The following ADGRG2 variants were observed in gnomAD, a reference collection of about 807,000 sequenced individuals.
ADGRG2 encodes the protein adhesion G protein-coupled receptor G2.
A neutral mutation model predicts 74.1 loss-of-function variants in ADGRG2; 26 were observed. The observed-to-expected ratio is 0.35, with a 90% CI of 0.26 to 0.49. The LOEUF is 0.49. Among genes scored for constraint, ADGRG2 ranks in the 20% least tolerant of loss-of-function variants. ADGRG2 has a pLI of 0.99. For synonymous variants in ADGRG2, 296 were observed against 295.2 expected, an observed-to-expected ratio of 1.00 and a Z score of -0.03; for missense variants, 619 against 763.1, an observed-to-expected ratio of 0.81 and a Z score of 2.22.
In ADGRG2 at chrX:19,003,271, C is replaced by T. The variant is rs757289003; in HGVS notation, c.1962-157G>A. ...CCTCTGCCTCCTGGGCTCAAGCGAT[C>T]TTCCCACCTCAGTCTCCTGAGTGGC... On this transcript the variant is annotated intron_variant, in intron 23 of 28. Transcript: ENST00000379869. Among the ~76,000 whole-genome samples the T allele has an allele frequency of 2.7e-5, 3 of 111,574 alleles. No homozygotes were observed. The South Asian group carries it at 1.1e-3, about 42-fold the overall frequency.
chrX:19,041,017 CAT>C (rs1026249745), intron 3 of ADGRG2, among the ~76,000 whole-genome samples: 7 of 110,186 alleles, frequency 6.4e-5, no homozygotes, highest in Non-Finnish European at 1.1e-4. Flanking sequence ...CAGATACATG[CAT>C]ATATGTTTAT....
At chrX:19,015,056 T>C (rs1451971574) in intron 15 of ADGRG2, among the ~76,000 whole-genome samples, 2 of 111,769 alleles carry the variant, frequency 1.8e-5, no homozygotes, top group Non-Finnish European at 3.8e-5. Flanking sequence ...TTCATGGGCA[T>C]CAAAGGTGGA....
At chrX:19,014,169 T>A in intron 15 of ADGRG2, 95 bp from the exon 16 acceptor site, 1 of 677,837 alleles carries the variant, frequency 1.5e-6, no homozygotes, top group African/African-American at 2.2e-5. Context: ...CACCGTCAAG[T>A]TGACGTAGTT....
chrX:19,085,946 A>G (rs1408177750), intron 1 of ADGRG2, among the ~76,000 whole-genome samples: 1 of 111,389 alleles, frequency 9.0e-6, no homozygotes, highest in Non-Finnish European at 1.9e-5. Context: ...TGGGAACACA[A>G]AGACTTCTGG....
chrX:18,996,171 C>T lies in ADGRG2; in HGVS notation c.2615-19G>A, dbSNP rs2060014762. 1 of 787,003 alleles carries T rather than the reference C, an allele frequency of 1.3e-6. No individual in the cohort carries two copies. The highest frequency in any genetic ancestry group is 1.9e-6 in the Non-Finnish European group (1 of 514,277). The allele number at this position is 787,003 out of a possible 1,213,427, so 64.9% of individuals were successfully genotyped here. A position where few individuals can be genotyped will look rare whatever the true frequency, so the allele number is the denominator to read the frequency against. On this transcript the variant is annotated intron_variant, in intron 26 of 28. Transcript: ENST00000379869. ...AAAAATCCTAAGGAGGGAAAAAAAA[C>T]CCACAATGAATTCCAAGCTAATAGC... is the stretch of plus-strand genomic sequence containing the variant.
intron 1 of ADGRG2, among the ~76,000 whole-genome samples, chrX:19,090,146 T>C (rs923262792): frequency 9.0e-6 from 1 of 111,606 alleles, no homozygotes; most frequent in Non-Finnish European, 1.9e-5. Context: ...ACTCCCTCTA[T>C]ACACTCCCTC....
In ADGRG2 at chrX:19,013,686, C is replaced by G; in HGVS notation, c.1099G>C (p.Asp367His). 8.5e-7 allele frequency: 1 copy of G among 1,175,470 alleles called. No individual in the cohort carries two copies. Among genetic ancestry groups the G allele is most frequent in the Non-Finnish European group, 1.1e-6 (1 of 879,584 alleles). The change falls in exon 16 of 29, where the codon GAC becomes CAC. Residue 367 changes from aspartate to histidine, a missense_variant and splice_region_variant. Around this residue, in one of 3 missense-constraint regions of ADGRG2, gnomAD observed 292 missense variants for 318.0 expected, o/e 0.92. Coordinates refer to ENST00000379869, the MANE Select transcript of ADGRG2 (RefSeq NM_001079858.3). ...TGGCCGCTGTTCAAGTGACATTTAC[C>G]TGTCTGGACAGGAGGTGCGCTGGTA... Reference protein sequence around the residue: ...NTTSAPPVQTDIVNTSSISDL... With the variant: ...NTTSAPPVQTHIVNTSSISDL...
chrX:19,068,899 C>A, intron 2 of ADGRG2, 64 bp from the exon 3 acceptor site: 1 of 521,669 alleles, frequency 1.9e-6, no homozygotes, highest in Non-Finnish European at 3.2e-6. Context: ...AGCAATACCT[C>A]AAAGGTCATT....
intron 3 of ADGRG2, among the ~76,000 whole-genome samples, chrX:19,046,725 C>T (rs1211060312): frequency 6.3e-5 from 7 of 111,499 alleles, no homozygotes; most frequent in Non-Finnish European, 7.5e-5. Flanking sequence ...TACCAGATAC[C>T]GATGAACAGA....
intron 1 of ADGRG2, among the ~76,000 whole-genome samples, chrX:19,103,704 C>G (rs1236207909): frequency 9.0e-6 from 1 of 111,306 alleles, no homozygotes; most frequent in Non-Finnish European, 1.9e-5. Flanking sequence ...ATCCAAAGGA[C>G]TAAGTGTCTA....
At chrX:19,114,033 C>T (rs1278509928) in intron 1 of ADGRG2, among the ~76,000 whole-genome samples, 4 of 99,868 alleles carry the variant, frequency 4.0e-5, no homozygotes, top group African/African-American at 1.5e-4. Context: ...GATTGCACCA[C>T]TGCACTCCAG....
At chrX:19,049,901 G>C (rs1754873808) in intron 3 of ADGRG2, among the ~76,000 whole-genome samples, 1 of 111,916 alleles carries the variant, frequency 8.9e-6, no homozygotes, top group Admixed American at 9.5e-5. Context: ...AGAGTCGCTT[G>C]TGGGAGTTTT....
At chrX:19,054,938 C>T (rs1022848303) in intron 3 of ADGRG2, among the ~76,000 whole-genome samples, 2 of 111,274 alleles carry the variant, frequency 1.8e-5, no homozygotes, top group African/African-American at 3.3e-5. Flanking sequence ...TCAGCTTCTT[C>T]GGCTCCTTGG....
chrX:19,055,285 TGC>T (rs1462862703), intron 3 of ADGRG2, among the ~76,000 whole-genome samples: 1 of 111,252 alleles, frequency 9.0e-6, no homozygotes, highest in Non-Finnish European at 1.9e-5. Context: ...TGTGTGTGTG[TGC>T]GCGCGCACGC....
chrX:18,990,056 G>A lies in ADGRG2; in HGVS notation c.*808C>T, dbSNP rs2059897946. The A allele has an allele frequency of 8.9e-6, 1 of 112,374 alleles. No individual in the cohort carries two copies. The highest frequency in any genetic ancestry group is 1.9e-5 in the Non-Finnish European group (1 of 53,235). 9.3% of individuals were successfully genotyped at this position (112,374 alleles called of 1,213,427 possible). ...GATGGGTATTCATATTGGATGCTGT[G>A]TTTGGCTGTACAGGTCGTGCACCCA... On this transcript the variant is annotated 3_prime_UTR_variant, in exon 29 of 29. Coordinates refer to ENST00000379869, the MANE Select transcript of ADGRG2 (RefSeq NM_001079858.3).
chrX:19,033,603 TAA>T lies in ADGRG2; in HGVS notation c.304+8_304+9del. 1 of 778,426 alleles carries T rather than the reference TAA, an allele frequency of 1.3e-6. No individual in the cohort carries two copies. Among genetic ancestry groups the T allele is most frequent in the Non-Finnish European group, 1.9e-6 (1 of 521,299 alleles). The allele number at this position is 778,426 out of a possible 1,213,427, so 64.2% of individuals were successfully genotyped here. A position where few individuals can be genotyped will look rare whatever the true frequency, so the allele number is the denominator to read the frequency against. ...AAAAGGAAAGTCTTGATATTGATAA[TAA>T]GTCATACCTGATGCATTGAAGGTTT... On this transcript the variant is annotated splice_region_variant and intron_variant, in intron 8 of 28. Transcript: ENST00000379869.
chrX:19,049,455 T>TTTTTTTTTTTTTTTTTTTTTTTTTTG (rs1328733136), intron 3 of ADGRG2, among the ~76,000 whole-genome samples: 4 of 90,999 alleles, frequency 4.4e-5, no homozygotes, highest in African/African-American at 1.4e-4. Flanking sequence ...TTTTTTTTTT[T>TTTTTTTTTTTTTTTTTTTTTTTTTTG]TTGTTGTTGT....
intron 1 of ADGRG2, among the ~76,000 whole-genome samples, chrX:19,091,940 G>A (rs765335490): frequency 8.0e-5 from 9 of 112,619 alleles, no homozygotes; most frequent in East Asian, 5.6e-4. Flanking sequence ...AGCAGTATTT[G>A]GGAGGAAGAA....
At chrX:19,120,876 T>C (rs943780491) in intron 1 of ADGRG2, among the ~76,000 whole-genome samples, 18 of 112,261 alleles carry the variant, frequency 1.6e-4, no homozygotes, top group African/African-American at 5.8e-4. Flanking sequence ...AAAATATATT[T>C]CTTTGACATA....
Sources: allele counts gnomAD v4.1 joint callset (sites outside exome capture counted in the v4.1 genomes callset), GRCh38; gene constraint gnomAD v4.1.1; regional missense constraint gnomAD v4.1.1; transcripts MANE v1.5; gene names NCBI Gene and HGNC (gene_info 2026-07-23, HGNC 2026-07-21).